MCTP1: variants seen among roughly 807,000 people sequenced by gnomAD.
MCTP1 encodes the protein multiple C2 and transmembrane domain containing 1, also known as multiple C2 and transmembrane domain-containing protein 1.
MCTP1 carries 69 observed loss-of-function variants against 120.6 expected under a neutral mutation model. That is an observed-to-expected ratio of 0.57 (90% CI 0.47 to 0.70). MCTP1 has a LOEUF of 0.70. Ranked by LOEUF, MCTP1 falls within the 30% of genes least tolerant of loss-of-function variation. The pLI is 0.00. For missense variants in MCTP1, 1,203 were observed against 1,248.8 expected (o/e 0.96, Z 0.55); for synonymous variants, 529 against 493.1 (o/e 1.07, Z -0.96).
intron 1 of MCTP1, among the ~76,000 whole-genome samples, chr5:95,030,489 C>T: frequency 6.6e-6 from 1 of 152,156 alleles, no homozygotes; most frequent in Middle Eastern, 3.2e-3. Context: ...CATATGTTGG[C>T]TCATGCATCC....
chr5:94,912,199 G>C (rs1354535852), intron 9 of MCTP1, among the ~76,000 whole-genome samples: 1 of 151,816 alleles, frequency 6.6e-6, no homozygotes, highest in Non-Finnish European at 1.5e-5. Flanking sequence ...GGCCAAAGTG[G>C]GTGGATCATC....
chr5:94,951,835 G>A (rs922439212), intron 3 of MCTP1, among the ~76,000 whole-genome samples: 2 of 152,028 alleles, frequency 1.3e-5, no homozygotes, highest in Admixed American at 1.3e-4. Flanking sequence ...TCATATTAAC[G>A]TTATTGTGCC....
chr5:95,182,001 GA>G (rs1394975884), intron 1 of MCTP1, among the ~76,000 whole-genome samples: 3 of 151,760 alleles, frequency 2.0e-5, no homozygotes, highest in African/African-American at 7.3e-5. Flanking sequence ...CAACAAAGAT[GA>G]AAAAGCAGCA....
chr5:94,879,159 G>A (rs1799525777), intron 12 of MCTP1, among the ~76,000 whole-genome samples: 1 of 152,034 alleles, frequency 6.6e-6, no homozygotes, highest in Non-Finnish European at 1.5e-5. Context: ...GTAATTAAGT[G>A]CCTTGGACAC....
chr5:95,097,327 C>T (rs553439896), intron 1 of MCTP1, among the ~76,000 whole-genome samples: 38 of 152,228 alleles, frequency 2.5e-4, no homozygotes, highest in African/African-American at 5.3e-4. Flanking sequence ...GATAGAAGGG[C>T]GGGTCACTTT....
intron 7 of MCTP1, among the ~76,000 whole-genome samples, chr5:94,919,650 G>C (rs1006016904): frequency 2.6e-5 from 4 of 152,082 alleles, no homozygotes; most frequent in African/African-American, 9.7e-5. Context: ...AATGATCCCC[G>C]AGACACTACA....
intron 19 of MCTP1, among the ~76,000 whole-genome samples, chr5:94,731,555 A>G (rs1763133320): frequency 6.6e-6 from 1 of 152,172 alleles, no homozygotes; most frequent in South Asian, 2.1e-4. Flanking sequence ...GATATACACA[A>G]ACGTTTAAAT....
At chr5:94,852,128 T>C (rs1229649419) in intron 17 of MCTP1, among the ~76,000 whole-genome samples, 2 of 151,920 alleles carry the variant, frequency 1.3e-5, no homozygotes, top group African/African-American at 4.8e-5. Context: ...AGTTGAAACT[T>C]TGAAAAGCAG....
intron 1 of MCTP1, among the ~76,000 whole-genome samples, chr5:95,187,263 T>C (rs949109184): frequency 6.6e-6 from 1 of 152,190 alleles, no homozygotes; most frequent in Non-Finnish European, 1.5e-5. Flanking sequence ...TGGAATACTA[T>C]TCAGCCATAA....
At chr5:94,924,394 T>A (rs1436023735) in intron 6 of MCTP1, among the ~76,000 whole-genome samples, 2 of 152,154 alleles carry the variant, frequency 1.3e-5, no homozygotes, top group Admixed American at 6.5e-5. Flanking sequence ...ACCATTGAAC[T>A]TCAGAGCATT....
In MCTP1 at chr5:95,123,735, T is replaced by C. The variant is rs1013528220; in HGVS notation, c.721-106251A>G. On this transcript the variant is annotated intron_variant, in intron 1 of 22. Transcript: ENST00000515393. ...CACGATCTCGGCTCACTGCAAGCTCTGCCTCCCGGGTTCATGCCATTCTCC... is the reference window on the plus strand; with the variant it reads ...CACGATCTCGGCTCACTGCAAGCTCCGCCTCCCGGGTTCATGCCATTCTCC... Among the ~76,000 whole-genome samples, 17 of 151,880 alleles carry C rather than the reference T, an allele frequency of 1.1e-4. No homozygotes were observed. The East Asian group carries it at 2.9e-3, about 26-fold the overall frequency.
At chr5:95,241,752 T>C (rs1756186010) in intron 1 of MCTP1, among the ~76,000 whole-genome samples, 1 of 152,232 alleles carries the variant, frequency 6.6e-6, no homozygotes, top group African/African-American at 2.4e-5. Context: ...CCATTTACAC[T>C]GGCATTACAG....
At chr5:95,181,969 G>T (rs1168775010) in intron 1 of MCTP1, among the ~76,000 whole-genome samples, 1 of 152,128 alleles carries the variant, frequency 6.6e-6, no homozygotes, top group African/African-American at 2.4e-5. Flanking sequence ...ATGAAAACGG[G>T]TCACTGAAAG....
Position 94,795,782 on chromosome 5 carries a change from C to T in MCTP1, c.2556+3231G>A, listed in dbSNP as rs374153766. On this transcript the variant is annotated intron_variant, in intron 18 of 22. Coordinates refer to ENST00000515393, the MANE Select transcript of MCTP1 (RefSeq NM_024717.7). The stretch of plus-strand genomic sequence containing the variant: ...AGAGGTGAAATACCATTTTTAACCA[C>T]GCCTCTTTCGCATGGGCACCCTCTG... Among the ~76,000 whole-genome samples the T allele has an allele frequency of 5.9e-5, 9 of 152,294 alleles. No individual in the cohort carries two copies. The South Asian group carries it at 1.5e-3, about 25-fold the overall frequency.
intron 10 of MCTP1, among the ~76,000 whole-genome samples, chr5:94,907,940 T>A (rs1360155503): frequency 1.3e-5 from 2 of 152,090 alleles, no homozygotes; most frequent in Non-Finnish European, 2.9e-5. Flanking sequence ...AAGTTACACA[T>A]GCCCATCATT....
chr5:94,909,257 A>G lies in MCTP1; in HGVS notation c.1646T>C (p.Ile549Thr). Residue 549 changes from isoleucine (I) to threonine (T), a missense_variant, in exon 10 of 23, where the codon ATT (isoleucine) becomes ACT (threonine). Coordinates refer to ENST00000515393, the MANE Select transcript of MCTP1 (RefSeq NM_024717.7). The part of the protein sequence containing the change: ...DKDAGKRDDF[I>T]GRCQVDLSAL... ...AATTACAAATTGCACAAACCTGCCA[A>G]TGAAATCATCCCTTTTCCCAGCATC... is the stretch of plus-strand genomic sequence containing the variant. 1 of 1,612,292 alleles carries G rather than the reference A, an allele frequency of 6.2e-7. No individual in the cohort carries two copies. Among genetic ancestry groups the G allele is most frequent in the Non-Finnish European group, 8.5e-7 (1 of 1,179,078 alleles).
At chr5:94,738,156 T>TA (rs1764694443) in intron 19 of MCTP1, among the ~76,000 whole-genome samples, 1 of 152,246 alleles carries the variant, frequency 6.6e-6, no homozygotes, top group South Asian at 2.1e-4. Context: ...AGAAGCTTTA[T>TA]GGATAACCCT....
chr5:95,061,037 G>GCATGAAGC (rs199861352), intron 1 of MCTP1, among the ~76,000 whole-genome samples: 1 of 138,758 alleles, frequency 7.2e-6, no homozygotes, highest in Non-Finnish European at 1.5e-5. Context: ...TTAATTCCCA[G>GCATGAAGC]CATGAAGCCA....
intron 8 of MCTP1, among the ~76,000 whole-genome samples, chr5:94,914,949 C>A (rs1809683434): frequency 6.6e-6 from 1 of 152,166 alleles, no homozygotes; most frequent in Non-Finnish European, 1.5e-5. Context: ...ACTTCTGCTG[C>A]TGTTGAGACT....
Sources: gnomAD v4.1 joint callset for allele counts (sites outside exome capture counted in the v4.1 genomes callset) on GRCh38, gnomAD v4.1.1 for gene constraint, MANE v1.5 for transcripts, NCBI Gene and HGNC (gene_info 2026-07-23, HGNC 2026-07-21) for gene names.